Variants in TMPRSS15 observed in about 807,000 individuals in gnomAD.
TMPRSS15 encodes enteropeptidase.
Under a neutral mutation model 125.3 loss-of-function variants are expected in TMPRSS15, and 128 were observed. The observed-to-expected ratio is 1.02, with a 90% CI of 0.89 to 1.18. The LOEUF (loss-of-function observed/expected upper bound fraction) is 1.18. TMPRSS15 is among the 50% of genes most tolerant of loss of function. The probability of loss-of-function intolerance (pLI) is 0.00; values close to 1 mark genes in which losing one functional copy is unlikely to be tolerated. For missense variants in TMPRSS15, 1,283 were observed against 1,212.7 expected, an observed-to-expected ratio of 1.06 and a Z score of -0.86; for synonymous variants, 446 against 423.2, an observed-to-expected ratio of 1.05 and a Z score of -0.66.
chr21:18,284,763 G>T (rs952878470), intron 21 of TMPRSS15, among the ~76,000 whole-genome samples: 5 of 152,216 alleles, frequency 3.3e-5, no homozygotes, highest in Non-Finnish European at 7.4e-5. Flanking sequence ...TACTTTCGGA[G>T]GCCGAGGCAG....
rs867950425 is a variant in TMPRSS15, at chr21:18,409,817, C to A, written c.11-11488G>T. Among the ~76,000 whole-genome samples the A allele has an allele frequency of 8.1e-5, 11 of 135,748 alleles. No individual in the cohort carries two copies. The East Asian group carries it at 9.0e-4, about 11-fold the overall frequency. 89.1% of individuals were successfully genotyped at this position (135,748 alleles called of 152,430 possible). A position where few individuals can be genotyped will look rare whatever the true frequency, so the allele number is the denominator to read the frequency against. ...AAATATTTTCTATACAATCTCCCCC[C>A]CTTCCCCCCTTCACCCCTCCCTCCT... On this transcript the variant is annotated intron_variant, in intron 1 of 7. Coordinates refer to the TMPRSS15 transcript ENST00000422787.
chr21:18,483,099 A>G (rs575519286), intron 1 of TMPRSS15, among the ~76,000 whole-genome samples: 19 of 151,914 alleles, frequency 1.3e-4, no homozygotes, highest in Non-Finnish European at 2.1e-4. Context: ...TTCCAGTTTT[A>G]CCTCACTAGA....
intron 1 of TMPRSS15, among the ~76,000 whole-genome samples, chr21:18,475,201 A>G (rs987954519): frequency 4.6e-5 from 7 of 152,170 alleles, no homozygotes; most frequent in Non-Finnish European, 8.8e-5. Flanking sequence ...CCAATCCCAA[A>G]CTACTCCTTT....
At chr21:18,413,873 G>T (rs116442847) in intron 1 of TMPRSS15, among the ~76,000 whole-genome samples, 5 of 152,054 alleles carry the variant, frequency 3.3e-5, no homozygotes, top group African/African-American at 9.7e-5. Context: ...GACCACAGGC[G>T]CATGCCACCA....
At chr21:18,300,432 C>G (rs549745039) in intron 18 of TMPRSS15, among the ~76,000 whole-genome samples, 1 of 151,924 alleles carries the variant, frequency 6.6e-6, no homozygotes, top group South Asian at 2.1e-4. Context: ...ACCTCTGCCT[C>G]CCAGGTTTAA....
chr21:18,396,791 A>AAAAATCT (rs547335576), intron 3 of TMPRSS15, among the ~76,000 whole-genome samples: 6 of 57,876 alleles, frequency 1.0e-4, no homozygotes, highest in African/African-American at 3.8e-4. Context: ...AAAAAAAAAA[A>AAAAATCT]ATCTGTCTGT....
intron 18 of TMPRSS15, among the ~76,000 whole-genome samples, chr21:18,305,183 CTTTTTTTTTTTTTTT>C (rs59103494): frequency 4.6e-5 from 4 of 86,046 alleles, no homozygotes; most frequent in African/African-American, 1.8e-4. Flanking sequence ...AATTTCCGTA[CTTTTTTTTTTTTTTT>C]TTTTTTTTGA....
intron 1 of TMPRSS15, among the ~76,000 whole-genome samples, chr21:18,466,724 C>G (rs541420683): frequency 6.6e-6 from 1 of 152,230 alleles, no homozygotes; most frequent in East Asian, 1.9e-4. Flanking sequence ...TCATCTCACA[C>G]CAGTTAGAAT....
chr21:18,306,450 T>C (rs928569528), intron 18 of TMPRSS15, among the ~76,000 whole-genome samples: 1 of 152,168 alleles, frequency 6.6e-6, no homozygotes, highest in Non-Finnish European at 1.5e-5. Flanking sequence ...ACCGCTGCAA[T>C]GGAAGAACCT....
At chr21:18,295,190 G>C (rs2074889251) in intron 19 of TMPRSS15, among the ~76,000 whole-genome samples, 1 of 152,086 alleles carries the variant, frequency 6.6e-6, no homozygotes, top group Non-Finnish European at 1.5e-5. Context: ...TTTCAAGGAA[G>C]GCAGACACGT....
chr21:18,294,674 A>T, intron 19 of TMPRSS15, 22 bp from the exon 20 acceptor site: 1 of 1,599,516 alleles, frequency 6.3e-7, no homozygotes, highest in Non-Finnish European at 8.6e-7. Context: ...GAACAATCAT[A>T]TTTTTAAAAT....
intron 19 of TMPRSS15, among the ~76,000 whole-genome samples, chr21:18,295,585 A>G (rs1370560612): frequency 6.6e-6 from 1 of 152,228 alleles, no homozygotes; most frequent in Non-Finnish European, 1.5e-5. Context: ...TAATCAAAGC[A>G]ATTCAGTGTT....
intron 13 of TMPRSS15, among the ~76,000 whole-genome samples, chr21:18,336,042 C>T (rs545257435): frequency 1.2e-4 from 18 of 150,862 alleles, no homozygotes; most frequent in African/African-American, 4.1e-4. Flanking sequence ...ATGTAAATAA[C>T]ATGCAGTATT....
intron 3 of TMPRSS15, among the ~76,000 whole-genome samples, chr21:18,393,699 C>T (rs2076009182): frequency 6.6e-6 from 1 of 152,154 alleles, no homozygotes; most frequent in Non-Finnish European, 1.5e-5. Context: ...TTAAATTCCT[C>T]ACAGCAGAGA....
At chr21:18,417,021 T>G (rs545747088) in intron 1 of TMPRSS15, among the ~76,000 whole-genome samples, 1 of 152,212 alleles carries the variant, frequency 6.6e-6, no homozygotes, top group East Asian at 1.9e-4. Flanking sequence ...ACAATTAATT[T>G]TTATGTATAA....
At chr21:18,450,197 C>T (rs1386909551) in intron 1 of TMPRSS15, among the ~76,000 whole-genome samples, 1 of 151,764 alleles carries the variant, frequency 6.6e-6, no homozygotes, top group Non-Finnish European at 1.5e-5. Context: ...ATAATCTTAA[C>T]TTCATATTTT....
At chr21:18,465,996 A>G (rs1978652420) in intron 1 of TMPRSS15, among the ~76,000 whole-genome samples, 1 of 152,198 alleles carries the variant, frequency 6.6e-6, no homozygotes, top group Non-Finnish European at 1.5e-5. Flanking sequence ...GCATCACACT[A>G]ACTGACTTCA....
At position 18,275,297 on chromosome 21, in the gene TMPRSS15, AGAG is replaced by A. The variant is rs1289811116; in HGVS notation, c.2801_2803del (p.Pro934del). On this transcript the variant is annotated inframe_deletion, in exon 24 of 25. Coordinates refer to ENST00000284885, the MANE Select transcript of TMPRSS15 (RefSeq NM_002772.3). ...CTGTTGGCATCTCTCATTTGATAGA[AGAG>A]GAACATCAGCTTCTTGCAATATGTT... The A allele has an allele frequency of 1.9e-6, 3 of 1,613,968 alleles. No individual in the cohort carries two copies. Among genetic ancestry groups the A allele is most frequent in the Non-Finnish European group, 2.5e-6 (3 of 1,180,000 alleles).
intron 19 of TMPRSS15, among the ~76,000 whole-genome samples, chr21:18,295,874 C>T (rs940621397): frequency 2.0e-5 from 3 of 152,082 alleles, no homozygotes; most frequent in Non-Finnish European, 4.4e-5. Flanking sequence ...CAGAATAGGC[C>T]GGGCGCGGTG....
Sources: gnomAD v4.1 joint callset for allele counts (sites outside exome capture counted in the v4.1 genomes callset) on GRCh38, gnomAD v4.1.1 for gene constraint, MANE v1.5 for transcripts, NCBI Gene and HGNC (gene_info 2026-07-23, HGNC 2026-07-21) for gene names.